Variants in PCDHA3 observed in about 807,000 individuals in gnomAD.
PCDHA3 encodes the protein protocadherin alpha-3.
Under a neutral mutation model 62.2 loss-of-function variants are expected in PCDHA3, and 41 were observed. The ratio of observed to expected loss-of-function variants is 0.66; its 90% CI spans 0.51 to 0.86. The LOEUF (loss-of-function observed/expected upper bound fraction) is 0.86. PCDHA3 is among the 40% of genes least tolerant of loss of function. PCDHA3 has a pLI of 0.00. For synonymous variants in PCDHA3, 640 were observed against 555.4 expected, an observed-to-expected ratio of 1.15 and a Z score of -2.14; for missense variants, 1,304 against 1,241.2, an observed-to-expected ratio of 1.05 and a Z score of -0.76.
intron 1 of PCDHA3, among the ~76,000 whole-genome samples, chr5:140,909,031 A>G (rs782567758): frequency 7.9e-5 from 12 of 152,106 alleles, no homozygotes; most frequent in Non-Finnish European, 1.6e-4. Flanking sequence ...TTAGTCATTT[A>G]TTTTCCATAC....
chr5:140,943,139 TC>T (rs1314499841), intron 1 of PCDHA3, among the ~76,000 whole-genome samples: 5 of 151,168 alleles, frequency 3.3e-5, no homozygotes, highest in Non-Finnish European at 5.9e-5. Flanking sequence ...GTGCCTGTAG[TC>T]CCAGCTACTC....
intron 1 of PCDHA3, chr5:140,803,792 C>A (rs1198060359): frequency 6.1e-6 from 5 of 824,766 alleles, no homozygotes; most frequent in Non-Finnish European, 7.4e-6. Context: ...GTTATGATAT[C>A]CACACTTGTA....
intron 1 of PCDHA3, chr5:140,805,319 T>C (rs1554123334): frequency 7.9e-7 from 1 of 1,263,688 alleles, no homozygotes; most frequent in Non-Finnish European, 1.0e-6. Flanking sequence ...TTTTTTCCAA[T>C]GTGCTTGATG....
intron 1 of PCDHA3, chr5:140,849,963 G>T: frequency 6.3e-7 from 1 of 1,597,872 alleles, no homozygotes; most frequent in Middle Eastern, 1.9e-4. Flanking sequence ...GAACGCCCTG[G>T]TGTCCTACTC....
intron 1 of PCDHA3, chr5:140,860,433 T>C (rs2046395592): frequency 6.6e-6 from 1 of 152,064 alleles, no homozygotes; most frequent in Non-Finnish European, 1.5e-5. Context: ...GCAAATATGA[T>C]CTTTTTCATA....
intron 1 of PCDHA3, among the ~76,000 whole-genome samples, chr5:140,976,317 G>A (rs1284415282): frequency 6.6e-6 from 1 of 152,212 alleles, no homozygotes; most frequent in Admixed American, 6.5e-5. Context: ...TTGGGAGGCC[G>A]AGGAGGGTGG....
intron 1 of PCDHA3, chr5:140,807,999 A>T (rs1554124378): frequency 6.2e-7 from 1 of 1,613,834 alleles, no homozygotes; most frequent in Non-Finnish European, 8.5e-7. Flanking sequence ...GATTTAGACG[A>T]AGGATTGAAT....
At chr5:140,978,694 G>A (rs1184051557) in intron 1 of PCDHA3, among the ~76,000 whole-genome samples, 1 of 152,258 alleles carries the variant, frequency 6.6e-6, no homozygotes, top group African/African-American at 2.4e-5. Context: ...GCAAGGCAAA[G>A]CCAAAGGTGG....
intron 1 of PCDHA3, chr5:140,968,154 A>G (rs782200456): frequency 3.7e-6 from 6 of 1,614,162 alleles, no homozygotes; most frequent in South Asian, 1.1e-5. Flanking sequence ...TCTGACATCA[A>G]TGACAATCCA....
At chr5:140,948,727 T>C (rs2094298087) in intron 1 of PCDHA3, among the ~76,000 whole-genome samples, 2 of 151,670 alleles carry the variant, frequency 1.3e-5, no homozygotes, top group Admixed American at 1.3e-4. Flanking sequence ...TATCAATAAG[T>C]CTAGCTGAGA....
At position 140,850,115 on chromosome 5, in the gene PCDHA3, G is replaced by T. The variant is rs2150468444; in HGVS notation, c.2394+46524G>T. 1.3e-5 allele frequency: 21 copies of T among 1,595,978 alleles called. 2 individuals are homozygous for T. The highest frequency in any genetic ancestry group is 2.2e-5 in the South Asian group (2 of 90,490). ...AGTTCCAGGTGAGCGCGCGCGACGC[G>T]GGCGTGCCGCCTCTGGGCAGCAACG... On this transcript the variant is annotated intron_variant, in intron 1 of 3. Coordinates refer to ENST00000522353, the MANE Select transcript of PCDHA3 (RefSeq NM_018906.3).
At chr5:140,908,422 C>T (rs1403455941) in intron 1 of PCDHA3, among the ~76,000 whole-genome samples, 1 of 152,176 alleles carries the variant, frequency 6.6e-6, no homozygotes, top group Non-Finnish European at 1.5e-5. Context: ...TGATGGAATG[C>T]TGCTGTGCGC....
chr5:140,854,948 T>C (rs1417243571), intron 1 of PCDHA3, among the ~76,000 whole-genome samples: 4 of 150,034 alleles, frequency 2.7e-5, no homozygotes, highest in Middle Eastern at 3.5e-3. Flanking sequence ...AATAATAAAT[T>C]TCTTAATTAC....
chr5:140,956,960 TAATC>T (rs2307694), intron 1 of PCDHA3, among the ~76,000 whole-genome samples: 47,965 of 151,898 alleles, frequency 0.32, 7,886 homozygotes, highest in East Asian at 0.53. Flanking sequence ...ACACTGTAAT[TAATC>T]AGTCAATTTA....
intron 1 of PCDHA3, chr5:140,875,864 C>A (rs781972677): frequency 3.7e-6 from 6 of 1,614,168 alleles, no homozygotes; most frequent in Admixed American, 3.3e-5. Context: ...GACAACCCGC[C>A]GGTGTTCAGA....
At chr5:140,937,174 A>G (rs1449263512) in intron 1 of PCDHA3, among the ~76,000 whole-genome samples, 1 of 151,302 alleles carries the variant, frequency 6.6e-6, no homozygotes, top group Non-Finnish European at 1.5e-5. Flanking sequence ...AGTAGCTGGG[A>G]CTACAGGCGC....
At position 140,858,879 on chromosome 5, in the gene PCDHA3, CATGTGTAGAAT is replaced by C. The variant is rs2045639159; in HGVS notation, c.2394+55297_2394+55307del. On this transcript the variant is annotated intron_variant, in intron 1 of 3. Transcript: ENST00000522353. ...TCTTCAGTGAAAATGTGTTTTCCTC[CATGTGTAGAAT>C]ATGTGTAGCGTACCACAGCTTATAC... 2.9e-5 allele frequency: 7 copies of C among 243,802 alleles called. No homozygotes were observed. In the South Asian group the frequency reaches 3.1e-4, roughly 11 times the overall value. The allele number at this position is 243,802 out of a possible 1,614,324, so 15.1% of individuals were successfully genotyped here. A position where few individuals can be genotyped will look rare whatever the true frequency, so the allele number is the denominator to read the frequency against.
At chr5:140,866,951 G>C (rs1207354253) in intron 1 of PCDHA3, 1 of 152,106 alleles carries the variant, frequency 6.6e-6, no homozygotes, top group African/African-American at 2.4e-5. Flanking sequence ...CTAGGGGCTG[G>C]TTGAGATGGT....
At chr5:140,871,305 G>T in intron 1 of PCDHA3, 14 of 1,613,992 alleles carry the variant, frequency 8.7e-6, no homozygotes, top group Non-Finnish European at 1.1e-5. Context: ...GCGCGCCGGG[G>T]AAGCCCACGC....
Sources: allele counts gnomAD v4.1 joint callset (sites outside exome capture counted in the v4.1 genomes callset), GRCh38; gene constraint gnomAD v4.1.1; transcripts MANE v1.5; gene names NCBI Gene and HGNC (gene_info 2026-07-23, HGNC 2026-07-21).